KCND2: variants seen among roughly 807,000 people sequenced by gnomAD.
KCND2 encodes A-type voltage-gated potassium channel KCND2.
Under a neutral mutation model 54.4 loss-of-function variants are expected in KCND2, and 16 were observed. The ratio of observed to expected loss-of-function variants is 0.29; its 90% CI spans 0.20 to 0.45. The LOEUF is 0.45. Ranked by LOEUF, KCND2 falls within the 20% of genes least tolerant of loss-of-function variation. The pLI is 1.00. For synonymous variants in KCND2, 317 were observed against 310.7 expected, an observed-to-expected ratio of 1.02 and a Z score of -0.21; for missense variants, 486 against 824.2, an observed-to-expected ratio of 0.59 and a Z score of 5.02.
Position 120,515,966 on chromosome 7 carries a change from C to T in KCND2, c.1116-216937C>T, listed in dbSNP as rs970849467. ...TTTGACCCATGAGAGAATATGTAAC[C>T]AGCACCTTAGCATTTTAATTATACC... On this transcript the variant is annotated intron_variant, in intron 1 of 5. Transcript: ENST00000331113. Among the ~76,000 whole-genome samples, 14 of 152,014 alleles carry T rather than the reference C, an allele frequency of 9.2e-5. 1 individual carries two copies. Among genetic ancestry groups the T allele is most frequent in the Admixed American group, 4.6e-4 (7 of 15,238 alleles).
At chr7:120,354,263 A>G (rs900565216) in intron 1 of KCND2, among the ~76,000 whole-genome samples, 2 of 152,196 alleles carry the variant, frequency 1.3e-5, no homozygotes, top group Non-Finnish European at 2.9e-5. Flanking sequence ...CAACTTTCCA[A>G]TATTCAAGGA....
At chr7:120,559,725 C>T (rs1034140561) in intron 1 of KCND2, among the ~76,000 whole-genome samples, 1 of 152,106 alleles carries the variant, frequency 6.6e-6, no homozygotes, top group African/African-American at 2.4e-5. Flanking sequence ...AGGGCAGATT[C>T]CAGTCTATGA....
chr7:120,403,524 T>A (rs2116086837), intron 1 of KCND2, among the ~76,000 whole-genome samples: 1 of 147,602 alleles, frequency 6.8e-6, no homozygotes, highest in East Asian at 2.0e-4. Flanking sequence ...AGAGGCAGGG[T>A]CTCATCATGT....
intron 1 of KCND2, among the ~76,000 whole-genome samples, chr7:120,622,687 A>T (rs200971527): frequency 9.1e-5 from 13 of 143,264 alleles, no homozygotes; most frequent in African/African-American, 1.9e-4. Context: ...ACACACACAC[A>T]CACTCTCTCT....
At chr7:120,338,910 C>T (rs1055390915) in intron 1 of KCND2, among the ~76,000 whole-genome samples, 1 of 151,854 alleles carries the variant, frequency 6.6e-6, no homozygotes, top group African/African-American at 2.4e-5. Flanking sequence ...GACAGAGTCT[C>T]ACTCTGGTGC....
intron 1 of KCND2, among the ~76,000 whole-genome samples, chr7:120,664,600 A>G (rs1291521123): frequency 6.6e-6 from 1 of 152,130 alleles, no homozygotes; most frequent in East Asian, 1.9e-4. Context: ...GGCCACAGAT[A>G]GAGCTCCCAA....
At chr7:120,715,871 G>A (rs1440544419) in intron 1 of KCND2, among the ~76,000 whole-genome samples, 2 of 152,072 alleles carry the variant, frequency 1.3e-5, no homozygotes, top group Admixed American at 6.6e-5. Flanking sequence ...ACCAGCTGTA[G>A]ACTTGTTTGA....
At chr7:120,491,463 T>A (rs1265732243) in intron 1 of KCND2, among the ~76,000 whole-genome samples, 2 of 152,142 alleles carry the variant, frequency 1.3e-5, no homozygotes, top group Non-Finnish European at 2.9e-5. Context: ...TAGTTGGTAG[T>A]CATCATGCAT....
At chr7:120,399,333 A>G (rs1801206095) in intron 1 of KCND2, among the ~76,000 whole-genome samples, 1 of 151,916 alleles carries the variant, frequency 6.6e-6, no homozygotes, top group African/African-American at 2.4e-5. Context: ...TTTATGGTGT[A>G]TTCATGGTTC....
At chr7:120,564,465 G>A (rs1237658197) in intron 1 of KCND2, among the ~76,000 whole-genome samples, 1 of 152,014 alleles carries the variant, frequency 6.6e-6, no homozygotes, top group Non-Finnish European at 1.5e-5. Context: ...TAATAAAGAT[G>A]TTACCCAGCA....
intron 1 of KCND2, among the ~76,000 whole-genome samples, chr7:120,654,252 A>G (rs59410395): frequency 0.015 from 2,314 of 152,308 alleles, 61 homozygotes; most frequent in African/African-American, 0.053. Flanking sequence ...TGTTTTCTAC[A>G]TATCAAATAA....
rs1801984006 is a variant in KCND2, at chr7:120,444,041, A to G, written c.1115+168294A>G. ...TTAGCATGAAATGTCACTCCCTCAC[A>G]TCTTCATACCCTTATCCATGATGCA... On this transcript the variant is annotated intron_variant, in intron 1 of 5. Coordinates refer to ENST00000331113, the MANE Select transcript of KCND2 (RefSeq NM_012281.3). Among the ~76,000 whole-genome samples the G allele has an allele frequency of 2.0e-5, 3 of 151,952 alleles. No individual in the cohort carries two copies. The South Asian group carries it at 6.2e-4, about 32-fold the overall frequency.
chr7:120,579,524 C>T (rs1792485522), intron 1 of KCND2, among the ~76,000 whole-genome samples: 1 of 151,430 alleles, frequency 6.6e-6, no homozygotes, highest in African/African-American at 2.4e-5. Context: ...ATTGCTTGAA[C>T]CAGGGAGTCG....
At position 120,569,870 on chromosome 7, in the gene KCND2, AG is replaced by A. The variant is rs143205623; in HGVS notation, c.1116-163032del. 6.6e-3 allele frequency among the ~76,000 whole-genome samples: 1,009 copies of A among 152,274 alleles called. 5 individuals are homozygous for A. The highest frequency in any genetic ancestry group is 9.5e-3 in the Non-Finnish European group (649 of 68,002). On this transcript the variant is annotated intron_variant, in intron 1 of 5. Coordinates refer to ENST00000331113, the MANE Select transcript of KCND2 (RefSeq NM_012281.3). ...CTGGCAGCTTGCACAAGACCACAAC[AG>A]TGACAGGTTGATGGAGCTGTAATAG...
intron 1 of KCND2, among the ~76,000 whole-genome samples, chr7:120,471,148 A>G (rs1802447310): frequency 6.6e-6 from 1 of 152,114 alleles, no homozygotes; most frequent in Non-Finnish European, 1.5e-5. Flanking sequence ...AAGTAAGGAA[A>G]TTCTTGAGTG....
At chr7:120,726,846 C>T (rs1020120273) in intron 1 of KCND2, among the ~76,000 whole-genome samples, 1 of 152,126 alleles carries the variant, frequency 6.6e-6, no homozygotes, top group African/African-American at 2.4e-5. Flanking sequence ...CATTCTATTC[C>T]TTATACCTAG....
chr7:120,335,609 C>T (rs1800139596), intron 1 of KCND2, among the ~76,000 whole-genome samples: 1 of 151,610 alleles, frequency 6.6e-6, no homozygotes, highest in African/African-American at 2.4e-5. Flanking sequence ...CCTCAGCCTC[C>T]TGGGTAGCTG....
At chr7:120,313,732 T>A (rs1258915336) in intron 1 of KCND2, among the ~76,000 whole-genome samples, 4 of 137,202 alleles carry the variant, frequency 2.9e-5, no homozygotes, top group African/African-American at 1.0e-4. Flanking sequence ...GCTCAAGATG[T>A]CTCCTGGGAT....
chr7:120,299,664 A>AT (rs1799559544), intron 1 of KCND2, among the ~76,000 whole-genome samples: 1 of 152,158 alleles, frequency 6.6e-6, no homozygotes, highest in African/African-American at 2.4e-5. Flanking sequence ...ATGAAACATG[A>AT]TTTTCACCTT....
Sources: gnomAD v4.1 joint callset for allele counts (sites outside exome capture counted in the v4.1 genomes callset) on GRCh38, gnomAD v4.1.1 for gene constraint, MANE v1.5 for transcripts, NCBI Gene and HGNC (gene_info 2026-07-23, HGNC 2026-07-21) for gene names.